Variants in DOCK8 observed in about 807,000 individuals in gnomAD.
DOCK8 encodes the protein dedicator of cytokinesis protein 8.
A neutral mutation model predicts 245.6 loss-of-function variants in DOCK8; 141 were observed. The observed-to-expected ratio is 0.57, with a 90% CI of 0.50 to 0.66. DOCK8 has a LOEUF of 0.66. DOCK8 is among the 30% of genes least tolerant of loss of function. DOCK8 has a pLI of 0.00. For synonymous variants in DOCK8, 1,168 were observed against 970.2 expected (o/e 1.20, Z -3.79); for missense variants, 2,965 against 2,603.4 (o/e 1.14, Z -3.02).
At position 235,733 on chromosome 9, in the gene DOCK8, G is replaced by C. The variant is rs940618933; in HGVS notation, c.53+20704G>C. Among the ~76,000 whole-genome samples the C allele has an allele frequency of 3.3e-5, 5 of 152,162 alleles. No homozygotes were observed. In the East Asian group the frequency reaches 7.7e-4, roughly 23 times the overall value. ...GTGGGATATAATCTCCTGGTGTGCC[G>C]TTTTTTAAGCCCGTTGGAAAAGCGC... On this transcript the variant is annotated intron_variant, in intron 1 of 47. Transcript: ENST00000432829.
intron 9 of DOCK8, among the ~76,000 whole-genome samples, chr9:331,418 C>G (rs2051007739): frequency 6.6e-6 from 1 of 152,184 alleles, no homozygotes; most frequent in African/African-American, 2.4e-5. Context: ...ATTGAGTAGC[C>G]TCATGCTGCT....
chr9:230,564 T>G (rs936549833), intron 1 of DOCK8, among the ~76,000 whole-genome samples: 2 of 152,112 alleles, frequency 1.3e-5, no homozygotes, highest in African/African-American at 4.8e-5. Context: ...CGGCACCTGT[T>G]GTTTCCTGAC....
At chr9:377,500 A>T (rs2053568120) in intron 20 of DOCK8, among the ~76,000 whole-genome samples, 1 of 152,198 alleles carries the variant, frequency 6.6e-6, no homozygotes, top group African/African-American at 2.4e-5. Flanking sequence ...TGATGAATTT[A>T]TTTTACCTTG....
rs116579702 is a variant in DOCK8 at position 397,044 on chromosome 9, G to A, written c.3120+110G>A. ...TTAAAACAATAATTAAAATATAACT[G>A]TAATGACAGTTAAACGCAGTATGTT... On this transcript the variant is annotated intron_variant, in intron 25 of 47. Coordinates refer to ENST00000432829, the MANE Select transcript of DOCK8 (RefSeq NM_203447.4). 0.028 allele frequency: 36,246 copies of A among 1,277,110 alleles called. 579 individuals carry two copies. Among genetic ancestry groups the A allele is most frequent in the African/African-American group, 0.048 (3,199 of 66,972 alleles). 79.1% of individuals were successfully genotyped at this position (1,277,110 alleles called of 1,614,324 possible). A position where few individuals can be genotyped will look rare whatever the true frequency, so the allele number is the denominator to read the frequency against.
intron 24 of DOCK8, 138 bp from the exon 25 acceptor site, chr9:396,647 C>T: frequency 1.6e-6 from 2 of 1,212,904 alleles, no homozygotes; most frequent in South Asian, 1.3e-5. Context: ...CCAGAGCTTG[C>T]TCGGGCACCA....
chr9:317,077 G>A lies in DOCK8; in HGVS notation c.776G>A (p.Cys259Tyr). The A allele has an allele frequency of 1.2e-6, 2 of 1,614,104 alleles. No individual in the cohort carries two copies. Among genetic ancestry groups the A allele is most frequent in the Non-Finnish European group, 1.7e-6 (2 of 1,179,942 alleles). The change falls in exon 7 of 48, where the codon TGT becomes TAT. Residue 259 changes from cysteine to tyrosine, a missense_variant. By Grantham distance (194) the Cys-to-Tyr change is radical. Coordinates refer to ENST00000432829, the MANE Select transcript of DOCK8 (RefSeq NM_203447.4). Reference protein sequence around the residue: ...DAVEIRPVPECPKEHLGNRIL... With the variant: ...DAVEIRPVPEYPKEHLGNRIL... ...GTGGAAATACGTCCAGTACCAGAAT[G>A]TCCCAAGGAACACCTGGGCAACAGA...
chr9:259,024 C>A (rs582933), intron 1 of DOCK8, among the ~76,000 whole-genome samples: 84,300 of 151,814 alleles, frequency 0.56, 24,028 homozygotes, highest in East Asian at 0.8. Flanking sequence ...AAACAACTCT[C>A]GGTTGAGTGT....
At chr9:267,293 C>G (rs2048058020) in intron 1 of DOCK8, among the ~76,000 whole-genome samples, 1 of 152,204 alleles carries the variant, frequency 6.6e-6, no homozygotes, top group Admixed American at 6.5e-5. Context: ...GTAGCCTCAA[C>G]CTCCCAGGCT....
intron 28 of DOCK8, among the ~76,000 whole-genome samples, chr9:407,281 A>G (rs931460475): frequency 3.3e-5 from 5 of 152,192 alleles, no homozygotes; most frequent in African/African-American, 1.2e-4. Flanking sequence ...GGGATGGGTA[A>G]GAACTACAAA....
In DOCK8 at chr9:350,052, C is replaced by T. The variant is rs118107061; in HGVS notation, c.1679+9731C>T. On this transcript the variant is annotated intron_variant, in intron 14 of 47. Transcript: ENST00000432829. ...CTCATTCTCACCTTTCCAGGAATCT[C>T]CTTGTGCTCCTCAAGTTCGGCTCAT... is the stretch of plus-strand genomic sequence containing the variant. Among the ~76,000 whole-genome samples, 970 of 152,304 alleles carry T rather than the reference C, an allele frequency of 6.4e-3. 14 individuals carry two copies. The highest frequency in any genetic ancestry group is 6.2e-3 in the Non-Finnish European group (420 of 68,034).
In DOCK8 at chr9:454,273, C is replaced by T. The variant is rs1463287586; in HGVS notation, c.6068+2156C>T. 3.9e-5 allele frequency: 6 copies of T among 152,052 alleles called. 1 individual carries two copies. The highest frequency in any genetic ancestry group is 7.3e-5 in the Non-Finnish European group (5 of 68,030). 9.4% of individuals were successfully genotyped at this position (152,052 alleles called of 1,614,324 possible). A position where few individuals can be genotyped will look rare whatever the true frequency, so the allele number is the denominator to read the frequency against. On this transcript the variant is annotated intron_variant, in intron 46 of 47. Transcript: ENST00000432829. ...ACCCATGGTTTGAAAGTATTACTTA[C>T]AATATGATATTCAGAGAGAGAGAGA... is the stretch of plus-strand genomic sequence containing the variant.
At chr9:262,813 T>C (rs1232827420) in intron 1 of DOCK8, among the ~76,000 whole-genome samples, 1 of 151,926 alleles carries the variant, frequency 6.6e-6, no homozygotes, top group Non-Finnish European at 1.5e-5. Context: ...ACTCAATCTG[T>C]TTTTAAAAGT....
At chr9:432,504 C>A (rs899265357) in intron 37 of DOCK8, among the ~76,000 whole-genome samples, 180 bp downstream of exon 37, 1 of 152,162 alleles carries the variant, frequency 6.6e-6, no homozygotes, top group Non-Finnish European at 1.5e-5. Flanking sequence ...ATACATCCAT[C>A]ACTGTCCCCA....
intron 2 of DOCK8, among the ~76,000 whole-genome samples, chr9:276,764 T>C (rs773413589): frequency 4.6e-5 from 7 of 152,212 alleles, no homozygotes; most frequent in African/African-American, 7.2e-5. Context: ...CTATAATCAG[T>C]ACCTCTGTTA....
chr9:352,710 CCAGTCCA>C (rs1459546480), intron 14 of DOCK8, among the ~76,000 whole-genome samples: 2,513 of 149,288 alleles, frequency 0.017, 75 homozygotes, highest in African/African-American at 0.059. Flanking sequence ...CCACTGCACT[CCAGTCCA>C]GTGACAGTGT....
chr9:214,486 T>C (rs2046684705), upstream of DOCK8: 1 of 1,608,622 alleles, frequency 6.2e-7, no homozygotes, highest in Non-Finnish European at 8.5e-7. Flanking sequence ...GAGAATGGTG[T>C]CAACCCTTAA....
Position 364,300 on chromosome 9 carries a change from A to G in DOCK8, c.1680-3718A>G, listed in dbSNP as rs114278605. ...TCATAACTGAACAACGTTTAGTGGC[A>G]TAAAAAAAGATAAAGCTTTGTACAT... On this transcript the variant is annotated intron_variant, in intron 14 of 47. Transcript: ENST00000432829. 2.3e-4 allele frequency among the ~76,000 whole-genome samples: 35 copies of G among 152,338 alleles called. 1 individual carries two copies. Among genetic ancestry groups the G allele is most frequent in the African/African-American group, 5.3e-4 (22 of 41,574 alleles).
At chr9:309,443 AT>A (rs2050000319) in intron 5 of DOCK8, among the ~76,000 whole-genome samples, 1 of 152,154 alleles carries the variant, frequency 6.6e-6, no homozygotes, top group Non-Finnish European at 1.5e-5. Context: ...TGAGAATAAC[AT>A]TTTGCCATAA....
At chr9:390,861 A>AT (rs1269143539) in intron 24 of DOCK8, among the ~76,000 whole-genome samples, 7 of 152,150 alleles carry the variant, frequency 4.6e-5, no homozygotes, top group Non-Finnish European at 8.8e-5. Flanking sequence ...GCCTGTATCC[A>AT]TTTTTGCTCT....
Sources: allele counts gnomAD v4.1 joint callset (sites outside exome capture counted in the v4.1 genomes callset), GRCh38; gene constraint gnomAD v4.1.1; transcripts MANE v1.5; gene names NCBI Gene and HGNC (gene_info 2026-07-23, HGNC 2026-07-21).